The following FRY variants were observed in gnomAD, a reference collection of about 807,000 sequenced individuals.
FRY encodes protein furry homolog.
A neutral mutation model predicts 348.4 loss-of-function variants in FRY; 128 were observed. The ratio of observed to expected loss-of-function variants is 0.37; its 90% CI spans 0.32 to 0.43. The LOEUF (loss-of-function observed/expected upper bound fraction) is 0.43, where lower values mean the gene tolerates loss of function less well. FRY is among the 20% of genes least tolerant of loss of function. The pLI is 1.00. For synonymous variants in FRY, 1,370 were observed against 1,374.7 expected (o/e 1.00, Z 0.08); for missense variants, 2,736 against 3,695.2 (o/e 0.74, Z 6.73).
intron 59 of FRY, among the ~76,000 whole-genome samples, chr13:32,292,982 G>A (rs576515683): frequency 6.6e-6 from 1 of 152,202 alleles, no homozygotes; most frequent in South Asian, 2.1e-4. Context: ...ATGATTGTTA[G>A]CATTTTTTAG....
chr13:32,183,034 G>A lies in FRY; in HGVS notation c.3054G>A (p.Glu1018=), dbSNP rs112220785. The A allele has an allele frequency of 1.0e-5, 16 of 1,583,344 alleles. No homozygotes were observed. The African/African-American group carries it at 1.9e-4, about 19-fold the overall frequency. ...LMKEALERRP[E]NKKRRERRDL... ...AAGAAGCTCTGGAAAGAAGACCAGA[G>A]GTAAGAATTTGAATTTAAAAAATTA... The change falls in exon 24 of 61, where the codon GAG becomes GAA. Residue 1018 remains glutamate (E), a splice_region_variant and synonymous_variant. Transcript: ENST00000542859.
chr13:32,127,192 C>T (rs1879071633), intron 7 of FRY, among the ~76,000 whole-genome samples: 8 of 152,118 alleles, frequency 5.3e-5, no homozygotes, highest in Admixed American at 5.2e-4. Context: ...TTTTAAACTA[C>T]TTTCTCTTTA....
At chr13:32,165,274 C>T (rs703215) in intron 17 of FRY, among the ~76,000 whole-genome samples, 74,611 of 152,064 alleles carry the variant, frequency 0.49, 18,848 homozygotes, top group African/African-American at 0.62. Flanking sequence ...ATCTAAAAAT[C>T]ATTAAACATT....
chr13:32,053,654 A>T (rs1157850249), intron 1 of FRY, among the ~76,000 whole-genome samples: 3 of 152,186 alleles, frequency 2.0e-5, no homozygotes, highest in Non-Finnish European at 4.4e-5. Context: ...TGCGTCCCTG[A>T]TGCACTTTGG....
intron 25 of FRY, 64 bp downstream of exon 25, chr13:32,184,755 G>GCC: frequency 9.3e-7 from 1 of 1,079,768 alleles, no homozygotes; most frequent in Non-Finnish European, 1.4e-6. Flanking sequence ...TTTTCTTTCT[G>GCC]TCTCTCTCTT....
At chr13:32,167,185 T>C (rs1187505284) in intron 17 of FRY, among the ~76,000 whole-genome samples, 1 of 152,208 alleles carries the variant, frequency 6.6e-6, no homozygotes, top group Non-Finnish European at 1.5e-5. Context: ...CCTTGGTGCT[T>C]GTCTGGTTTC....
At chr13:32,294,330 A>G in intron 59 of FRY, 38 bp from the exon 60 acceptor site, 2 of 1,429,354 alleles carry the variant, frequency 1.4e-6, no homozygotes, top group Non-Finnish European at 2.0e-6. Flanking sequence ...TTCCCCCAGC[A>G]CCTAAATATA....
At chr13:32,270,448 CCA>C (rs1779668365) in intron 55 of FRY, among the ~76,000 whole-genome samples, 1 of 152,334 alleles carries the variant, frequency 6.6e-6, no homozygotes, top group African/African-American at 2.4e-5. Context: ...CTCAGGTGAT[CCA>C]CCTGCCTTGG....
chr13:32,288,469 C>T (rs1405561832), intron 58 of FRY, among the ~76,000 whole-genome samples: 2 of 152,182 alleles, frequency 1.3e-5, no homozygotes, highest in East Asian at 3.9e-4. Flanking sequence ...AACCATTCAG[C>T]ATAGTCTTAG....
intron 27 of FRY, 73 bp downstream of exon 27, chr13:32,186,493 T>A: frequency 1.0e-6 from 1 of 966,528 alleles, no homozygotes; most frequent in Non-Finnish European, 1.7e-6. Flanking sequence ...AACCATGCCT[T>A]AAAAATAAGC....
intron 2 of FRY, among the ~76,000 whole-genome samples, chr13:32,085,383 C>T (rs1191811085): frequency 6.6e-6 from 1 of 152,176 alleles, no homozygotes; most frequent in African/African-American, 2.4e-5. Context: ...TTTCTGAATT[C>T]AAGTGCTGCT....
chr13:32,115,073 A>G (rs1878217190), intron 3 of FRY, among the ~76,000 whole-genome samples: 1 of 152,194 alleles, frequency 6.6e-6, no homozygotes, highest in African/African-American at 2.4e-5. Flanking sequence ...ATAATGTACA[A>G]TTTTGTATGT....
At chr13:32,287,982 C>A in intron 58 of FRY, 1 of 345,986 alleles carries the variant, frequency 2.9e-6, no homozygotes, top group Non-Finnish European at 5.2e-6. Context: ...GCATGTTCTC[C>A]CTTTCTCATT....
chr13:32,287,783 G>T, intron 58 of FRY: 1 of 606,898 alleles, frequency 1.6e-6, no homozygotes. Flanking sequence ...TCTTGGAAAA[G>T]GGCCGTGCTT....
intron 1 of FRY, among the ~76,000 whole-genome samples, chr13:32,051,073 T>C (rs892465864): frequency 6.6e-6 from 1 of 152,196 alleles, no homozygotes; most frequent in Non-Finnish European, 1.5e-5. Flanking sequence ...AATAACTTAA[T>C]CTGAGTGGTT....
chr13:32,237,749 T>C lies in FRY; in HGVS notation c.6181T>C (p.Leu2061=), dbSNP rs774036497. The C allele has an allele frequency of 9.9e-6, 16 of 1,614,064 alleles. No homozygotes were observed. Among genetic ancestry groups the C allele is most frequent in the Middle Eastern group, 3.3e-4 (2 of 6,084 alleles). The change falls in exon 44 of 61, where the codon TTA becomes CTA. Residue 2061 remains leucine, a synonymous_variant. Coordinates refer to ENST00000542859, the MANE Select transcript of FRY (RefSeq NM_023037.3). The surrounding 1 kb of genome is among the most constrained non-coding windows in gnomAD (Gnocchi z 6.3). Reference sequence around the variant, plus strand: ...GGAGTCTGATTTTGAGTTTGAATACTTAATGGCCTTAAGGCTGTTGAGCAG... The same window carrying C: ...GGAGTCTGATTTTGAGTTTGAATACCTAATGGCCTTAAGGCTGTTGAGCAG... ...LMESDFEFEY[L]MALRLLSRLL...
Position 32,267,258 on chromosome 13 carries a change from G to A in FRY, c.8035G>A (p.Asp2679Asn), listed in dbSNP as rs781431979. The A allele has an allele frequency of 3.1e-6, 5 of 1,614,108 alleles. No individual in the cohort carries two copies. The highest frequency in any genetic ancestry group is 2.2e-5 in the East Asian group (1 of 44,880). Reference protein sequence around the residue: ...LAAFQPAACDDAEEAWRSHIN... With the variant: ...LAAFQPAACDNAEEAWRSHIN... The stretch of plus-strand genomic sequence containing the variant: ...CGCCTTTCAGCCCGCAGCCTGTGAC[G>A]ATGCCGAGGAGGCCTGGCGCAGCCA... The change falls in exon 55 of 61, where the codon GAT becomes AAT. Residue 2679 changes from aspartate to asparagine, a missense_variant. Coordinates refer to ENST00000542859, the MANE Select transcript of FRY (RefSeq NM_023037.3).
intron 46 of FRY, 133 bp downstream of exon 46, chr13:32,240,014 C>T: frequency 4.3e-6 from 3 of 697,892 alleles, no homozygotes; most frequent in African/African-American, 1.8e-5. Context: ...GGCCACCATT[C>T]CCTGCCAGAG....
At chr13:32,253,625 T>A (rs1047223389) in intron 50 of FRY, among the ~76,000 whole-genome samples, 5 of 152,138 alleles carry the variant, frequency 3.3e-5, no homozygotes, top group African/African-American at 7.2e-5. Context: ...AGTAAAAAAA[T>A]GTTTTATTTT....
Sources: allele counts gnomAD v4.1 joint callset (sites outside exome capture counted in the v4.1 genomes callset), GRCh38; gene constraint gnomAD v4.1.1; non-coding constraint Gnocchi (gnomAD v3.1); transcripts MANE v1.5; gene names NCBI Gene and HGNC (gene_info 2026-07-23, HGNC 2026-07-21).